Variants in FOXN4 observed in about 807,000 individuals in gnomAD.
FOXN4 encodes forkhead box protein N4.
Under a neutral mutation model 45.0 loss-of-function variants are expected in FOXN4, and 12 were observed. The ratio of observed to expected loss-of-function variants is 0.27; its 90% confidence interval spans 0.17 to 0.43. The LOEUF (loss-of-function observed/expected upper bound fraction) is 0.43, where lower values mean the gene tolerates loss of function less well. FOXN4 is among the 20% of genes least tolerant of loss of function. FOXN4 has a pLI of 1.00. For synonymous variants in FOXN4, 297 were observed against 295.0 expected, an observed-to-expected ratio of 1.01 and a Z score of -0.07; for missense variants, 560 against 694.9, an observed-to-expected ratio of 0.81 and a Z score of 2.18.
At chr12:109,305,181 T>C (rs1366309117) in intron 2 of FOXN4, among the ~76,000 whole-genome samples, 1 of 152,302 alleles carries the variant, frequency 6.6e-6, no homozygotes, top group South Asian at 2.1e-4. Context: ...GTACCCATGA[T>C]GAGCTGTGCC....
At chr12:109,281,863 C>A (rs2047656838) in intron 8 of FOXN4, 64 bp from the exon 9 acceptor site, 2 of 1,488,806 alleles carry the variant, frequency 1.3e-6, no homozygotes, top group Non-Finnish European at 8.9e-7. Flanking sequence ...CAGCCCAGGC[C>A]TGGGTTCAAA....
At chr12:109,300,807 G>A (rs762313191) in intron 2 of FOXN4, among the ~76,000 whole-genome samples, 1 of 152,164 alleles carries the variant, frequency 6.6e-6, no homozygotes, top group Admixed American at 6.5e-5. Context: ...TACTTAGGAG[G>A]CTGAGGCAGG....
intron 2 of FOXN4, 28 bp downstream of exon 2, chr12:109,308,208 T>C (rs980949184): frequency 1.7e-5 from 25 of 1,509,172 alleles, no homozygotes; most frequent in Non-Finnish European, 2.1e-5. Context: ...TTAAAAAATA[T>C]ATAGTTTGTT....
At chr12:109,284,587 G>A (rs113823803) in intron 8 of FOXN4, among the ~76,000 whole-genome samples, 11 of 149,936 alleles carry the variant, frequency 7.3e-5, no homozygotes, top group Admixed American at 1.3e-4. Flanking sequence ...GTGTGTGCGC[G>A]CTGTGGGCTG....
At chr12:109,300,714 G>T (rs907816759) in intron 2 of FOXN4, among the ~76,000 whole-genome samples, 1 of 152,240 alleles carries the variant, frequency 6.6e-6, no homozygotes, top group African/African-American at 2.4e-5. Flanking sequence ...TTCAAGACCA[G>T]CCTGGACAAC....
intron 2 of FOXN4, among the ~76,000 whole-genome samples, chr12:109,303,639 G>T (rs2047886698): frequency 6.6e-6 from 1 of 152,188 alleles, no homozygotes; most frequent in Non-Finnish European, 1.5e-5. Flanking sequence ...TCCAGAAGGA[G>T]GACCACTGAG....
At chr12:109,304,971 T>G (rs199748142) in intron 2 of FOXN4, among the ~76,000 whole-genome samples, 1 of 152,202 alleles carries the variant, frequency 6.6e-6, no homozygotes, top group East Asian at 1.9e-4. Context: ...GCAAATTGGG[T>G]GGCTCCATTT....
In FOXN4 at chr12:109,288,443, A is replaced by T. The variant is rs2047736513; in HGVS notation, c.233-263T>A. 6.6e-6 allele frequency among the ~76,000 whole-genome samples: 1 copy of T among 152,208 alleles called. No homozygotes were observed. The highest frequency in any genetic ancestry group is 1.5e-5 in the Non-Finnish European group (1 of 68,036). On this transcript the variant is annotated intron_variant, in intron 3 of 9. Transcript: ENST00000299162. The surrounding 1 kb of genome is among the most constrained non-coding windows in gnomAD (Gnocchi z 4.3). ...TAACTATAAATCTGCTGTGAGGGTT[A>T]AATGAGATAATGTCTATCAAGTGCT...
At position 109,288,067 on chromosome 12, in the gene FOXN4, G is replaced by A. The variant is rs1593773948; in HGVS notation, c.346C>T (p.His116Tyr). Residue 116 changes from histidine (H) to tyrosine (Y), a missense_variant, in exon 4 of 10, where the codon CAC becomes TAC. By Grantham distance (83) the His-to-Tyr change is moderately conservative. Transcript: ENST00000299162. This position sits in a 1 kb window ranked among gnomAD's most constrained non-coding sequence, Gnocchi z 4.3. ...GCAGTGCCACTTACGCTGTCTCTGT[G>A]GCCAGTTATGGGGCCCAGACCTGGC... ...GMPGLGPITG[H>Y]RDSMSQFPVG... 6.5e-7 allele frequency: 1 copy of A among 1,549,946 alleles called. No homozygotes were observed. Among genetic ancestry groups the A allele is most frequent in the Admixed American group, 2.0e-5 (1 of 50,792 alleles).
At position 109,290,314 on chromosome 12, in the gene FOXN4, G is replaced by A. The variant is rs373872813; in HGVS notation, c.87-28C>T. 2.6e-5 allele frequency: 40 copies of A among 1,522,454 alleles called. No individual in the cohort carries two copies. In the South Asian group the frequency reaches 3.1e-4, roughly 12 times the overall value. The allele number at this position is 1,522,454 out of a possible 1,614,324, so 94.3% of individuals were successfully genotyped here. ...GCAAAGAGGAACAGAGAACTCGGGCGGGAGGGGGAGCTTAGGCCAGCTCCT... is the reference window on the plus strand; with the variant it reads ...GCAAAGAGGAACAGAGAACTCGGGCAGGAGGGGGAGCTTAGGCCAGCTCCT... On this transcript the variant is annotated intron_variant, in intron 2 of 9. Transcript: ENST00000299162. This position sits in a 1 kb window ranked among gnomAD's most constrained non-coding sequence, Gnocchi z 5.1.
At position 109,288,752 on chromosome 12, in the gene FOXN4, T is replaced by C. The variant is rs1472737828; in HGVS notation, c.233-572A>G. On this transcript the variant is annotated intron_variant, in intron 3 of 9. Coordinates refer to ENST00000299162, the MANE Select transcript of FOXN4 (RefSeq NM_213596.3). The surrounding 1 kb of genome is among the most constrained non-coding windows in gnomAD (Gnocchi z 4.3). ...CAGACATTGCTAATCTATCACAGAT[T>C]CTTACTGCTCTAGCCTGATTTTAGG... Among the ~76,000 whole-genome samples, 1 of 152,230 alleles carries C rather than the reference T, an allele frequency of 6.6e-6. No individual in the cohort carries two copies. The highest frequency in any genetic ancestry group is 1.5e-5 in the Non-Finnish European group (1 of 68,042).
chr12:109,308,567 T>C (rs2047941066), intron 1 of FOXN4, among the ~76,000 whole-genome samples: 1 of 152,152 alleles, frequency 6.6e-6, no homozygotes, highest in Non-Finnish European at 1.5e-5. Context: ...TTCTTTCGAA[T>C]TAATGGGGGA....
chr12:109,304,221 G>GAAAGAGAA (rs1555244327), intron 2 of FOXN4, among the ~76,000 whole-genome samples: 2 of 82,480 alleles, frequency 2.4e-5, no homozygotes, highest in African/African-American at 5.0e-5. Flanking sequence ...AGAAAAGAAA[G>GAAAGAGAA]AGAAAGAAAG....
chr12:109,295,332 C>G (rs1334596454), intron 2 of FOXN4, among the ~76,000 whole-genome samples: 1 of 152,226 alleles, frequency 6.6e-6, no homozygotes, highest in Non-Finnish European at 1.5e-5. Context: ...CTGCCCTGGG[C>G]TCTCCTCCCA....
At chr12:109,305,969 T>C (rs1321513880) in intron 2 of FOXN4, among the ~76,000 whole-genome samples, 1 of 152,012 alleles carries the variant, frequency 6.6e-6, no homozygotes, top group Non-Finnish European at 1.5e-5. Flanking sequence ...CGCCCTGTTT[T>C]TGGAGAAGGG....
In FOXN4 at chr12:109,283,284, A is replaced by T. The variant is rs113608766; in HGVS notation, c.902-1485T>A. Among the ~76,000 whole-genome samples the T allele has an allele frequency of 8.9e-3, 1,358 of 152,266 alleles. 20 individuals are homozygous for T. The highest frequency in any genetic ancestry group is 0.031 in the African/African-American group (1,287 of 41,558). On this transcript the variant is annotated intron_variant, in intron 8 of 9. Transcript: ENST00000299162. ...TATAAAAGTTATCAATGGTCTCTCCATTCACAGTAAAGATTTTGGTGTATT... is the reference window on the plus strand; with the variant it reads ...TATAAAAGTTATCAATGGTCTCTCCTTTCACAGTAAAGATTTTGGTGTATT...
In FOXN4 at chr12:109,279,370, T is replaced by C; in HGVS notation, c.*301A>G. 4.4e-6 allele frequency: 2 copies of C among 450,262 alleles called. No individual in the cohort carries two copies. The highest frequency in any genetic ancestry group is 2.6e-5 in the South Asian group (1 of 38,604). 27.9% of individuals were successfully genotyped at this position (450,262 alleles called of 1,614,324 possible). A position where few individuals can be genotyped will look rare whatever the true frequency, so the allele number is the denominator to read the frequency against. On this transcript the variant is annotated 3_prime_UTR_variant, in exon 10 of 10. Coordinates refer to ENST00000299162, the MANE Select transcript of FOXN4 (RefSeq NM_213596.3). ...AAGTCTCACTCAACACGGGCAGGCA[T>C]TGCGGCTCAGGCCTCGGAGGAGTGT...
intron 2 of FOXN4, among the ~76,000 whole-genome samples, chr12:109,304,281 A>AAG (rs1264956723): frequency 8.2e-4 from 54 of 65,656 alleles, no homozygotes; most frequent in African/African-American, 3.1e-3. Context: ...GAAAGAAAGA[A>AAG]AGAAAGAAAG....
chr12:109,279,513 C>T lies in FOXN4; in HGVS notation c.*158G>A, dbSNP rs2047631970. The T allele has an allele frequency of 2.7e-6, 3 of 1,118,930 alleles. No individual in the cohort carries two copies. Among genetic ancestry groups the T allele is most frequent in the Admixed American group, 4.9e-5 (2 of 40,416 alleles). 69.3% of individuals were successfully genotyped at this position (1,118,930 alleles called of 1,614,324 possible). On this transcript the variant is annotated 3_prime_UTR_variant, in exon 10 of 10. Coordinates refer to ENST00000299162, the MANE Select transcript of FOXN4 (RefSeq NM_213596.3). ...GGAGGCACGAGAAGGAGAGGGGCTG[C>T]TGAGGGGAACCGCTTCCCTGTCCAG...
Sources: allele counts gnomAD v4.1 joint callset (sites outside exome capture counted in the v4.1 genomes callset), GRCh38; gene constraint gnomAD v4.1.1; non-coding constraint Gnocchi (gnomAD v3.1); transcripts MANE v1.5; gene names NCBI Gene and HGNC (gene_info 2026-07-23, HGNC 2026-07-21).